The following ADGRG6 variants were observed in gnomAD, a reference collection of about 807,000 sequenced individuals.
The protein encoded by ADGRG6 is adhesion G protein-coupled receptor G6.
A neutral mutation model predicts 142.4 loss-of-function variants in ADGRG6; 84 were observed. The observed-to-expected ratio is 0.59, with a 90% CI of 0.49 to 0.71. The LOEUF (loss-of-function observed/expected upper bound fraction) is 0.71, where lower values mean the gene tolerates loss of function less well. Among genes scored for constraint, ADGRG6 ranks in the 30% least tolerant of loss-of-function variants. The pLI, the probability that ADGRG6 is intolerant of heterozygous loss-of-function variation, is 0.00. For missense variants in ADGRG6, 1,367 were observed against 1,466.6 expected (o/e 0.93, Z 1.11); for synonymous variants, 521 against 520.5 (o/e 1.00, Z -0.01).
At chr6:142,317,795 ATATATTATATATATTTATATATATTAATT>A (rs1778179601) in intron 2 of ADGRG6, among the ~76,000 whole-genome samples, 1 of 89,810 alleles carries the variant, frequency 1.1e-5, no homozygotes, top group Non-Finnish European at 2.0e-5. Context: ...TATATAATAT[ATATATTATATATATTTATATATATTAATT>A]TATATTATAT....
chr6:142,386,974 C>T (rs950857784), intron 6 of ADGRG6, among the ~76,000 whole-genome samples: 1 of 152,160 alleles, frequency 6.6e-6, no homozygotes, highest in African/African-American at 2.4e-5. Flanking sequence ...GGAGAACATG[C>T]AGACCCTACG....
intron 4 of ADGRG6, among the ~76,000 whole-genome samples, chr6:142,372,303 A>G (rs564888983): frequency 1.7e-4 from 26 of 152,358 alleles, no homozygotes; most frequent in African/African-American, 6.3e-4. Flanking sequence ...AGTCACAGAC[A>G]TAACTCTCAA....
chr6:142,318,424 A>G (rs13193719), intron 2 of ADGRG6, among the ~76,000 whole-genome samples: 1 of 120,524 alleles, frequency 8.3e-6, no homozygotes, highest in Non-Finnish European at 1.6e-5. Context: ...TAATATATTT[A>G]TATATTATAT....
chr6:142,324,822 C>T (rs144939436), intron 2 of ADGRG6, among the ~76,000 whole-genome samples: 5 of 152,144 alleles, frequency 3.3e-5, no homozygotes, highest in African/African-American at 1.2e-4. Flanking sequence ...TTAGTGCCTA[C>T]AGGTAGGGAG....
At chr6:142,339,598 C>T (rs1583005202) in intron 2 of ADGRG6, among the ~76,000 whole-genome samples, 2 of 151,588 alleles carry the variant, frequency 1.3e-5, no homozygotes, top group African/African-American at 4.8e-5. Flanking sequence ...AAGCATGATC[C>T]TTTTGTGGTG....
At chr6:142,322,484 G>A (rs1778565745) in intron 2 of ADGRG6, among the ~76,000 whole-genome samples, 1 of 152,078 alleles carries the variant, frequency 6.6e-6, no homozygotes, top group African/African-American at 2.4e-5. Context: ...AGTGTAAGAT[G>A]CCACCTCACC....
chr6:142,443,417 G>A lies in ADGRG6; in HGVS notation c.3655G>A (p.Val1219Ile). The change falls in exon 25 of 25, where the codon GTC (valine) becomes ATC (isoleucine). Residue 1219 changes from valine to isoleucine, a missense_variant. This residue lies in a region of ADGRG6 where 344 missense variants were observed against 348.7 expected (regional missense o/e 0.99). Transcript: ENST00000367609. Reference protein sequence around the residue: ...DQTSIIPVHQVIDKVKGYCNA... With the variant: ...DQTSIIPVHQIIDKVKGYCNA... ...AACATCAATCATCCCTGTCCATCAG[G>A]TCATTGATAAGGTCAAGGGTTATTG... 6.2e-7 allele frequency: 1 copy of A among 1,610,744 alleles called. No homozygotes were observed. Among genetic ancestry groups the A allele is most frequent in the Non-Finnish European group, 8.5e-7 (1 of 1,177,168 alleles).
chr6:142,312,976 A>G (rs975549604), intron 2 of ADGRG6, among the ~76,000 whole-genome samples: 1 of 152,084 alleles, frequency 6.6e-6, no homozygotes, highest in Non-Finnish European at 1.5e-5. Flanking sequence ...TAATCCCAGC[A>G]CTTATATAAG....
At chr6:142,437,571 T>G in intron 23 of ADGRG6, 36 bp downstream of exon 23, 1 of 955,664 alleles carries the variant, frequency 1.0e-6, no homozygotes, top group East Asian at 2.4e-5. Context: ...CATCTACAAG[T>G]AGATGGGAAA....
At chr6:142,426,745 C>T (rs1290038347) in intron 22 of ADGRG6, among the ~76,000 whole-genome samples, 1 of 152,198 alleles carries the variant, frequency 6.6e-6, no homozygotes, top group Non-Finnish European at 1.5e-5. Context: ...TCTGGGCATC[C>T]AAGCATTTCA....
At chr6:142,433,972 C>A (rs1448448603) in intron 22 of ADGRG6, among the ~76,000 whole-genome samples, 1 of 151,966 alleles carries the variant, frequency 6.6e-6, no homozygotes, top group African/African-American at 2.4e-5. Flanking sequence ...TTGCTTGAGC[C>A]CAGGAGTTCA....
intron 22 of ADGRG6, among the ~76,000 whole-genome samples, chr6:142,421,834 C>A (rs1006179684): frequency 3.9e-5 from 6 of 152,260 alleles, no homozygotes; most frequent in African/African-American, 1.4e-4. Flanking sequence ...CATATAAATT[C>A]AGAACAGATT....
intron 2 of ADGRG6, among the ~76,000 whole-genome samples, chr6:142,338,328 G>A (rs1201425718): frequency 6.6e-6 from 1 of 151,834 alleles, no homozygotes. Flanking sequence ...ATCTTTGATA[G>A]TGTATTGAAA....
At chr6:142,407,646 G>A (rs1775875498) in intron 15 of ADGRG6, among the ~76,000 whole-genome samples, 1 of 152,180 alleles carries the variant, frequency 6.6e-6, no homozygotes, top group Admixed American at 6.5e-5. Flanking sequence ...GAAGGTAGAA[G>A]TCCTGGATGG....
intron 3 of ADGRG6, among the ~76,000 whole-genome samples, 186 bp from the exon 4 acceptor site, chr6:142,369,984 T>C (rs1583048072): frequency 3.3e-5 from 5 of 152,148 alleles, no homozygotes; most frequent in Non-Finnish European, 5.9e-5. Context: ...TTTCTTATTA[T>C]TACTGATATC....
At chr6:142,303,196 C>T (rs1300194369) in intron 1 of ADGRG6, among the ~76,000 whole-genome samples, 2 of 152,186 alleles carry the variant, frequency 1.3e-5, no homozygotes, top group Non-Finnish European at 2.9e-5. Flanking sequence ...GACACCGTGA[C>T]AGACATTTTA....
chr6:142,353,897 A>G (rs1780312208), intron 2 of ADGRG6, among the ~76,000 whole-genome samples: 1 of 152,202 alleles, frequency 6.6e-6, no homozygotes, highest in Non-Finnish European at 1.5e-5. Flanking sequence ...TAATTGTTGA[A>G]TAATGTGCTT....
chr6:142,338,297 C>T (rs990754151), intron 2 of ADGRG6, among the ~76,000 whole-genome samples: 3 of 151,122 alleles, frequency 2.0e-5, no homozygotes, highest in Admixed American at 6.6e-5. Flanking sequence ...CATGAGCCAC[C>T]GCGCCCGGCC....
At chr6:142,406,444 G>A (rs966633852) in intron 15 of ADGRG6, among the ~76,000 whole-genome samples, 1 of 152,122 alleles carries the variant, frequency 6.6e-6, no homozygotes, top group Non-Finnish European at 1.5e-5. Context: ...GAGCAGGTTC[G>A]CTGGGCCCTT....
Sources: gnomAD v4.1 joint callset for allele counts (sites outside exome capture counted in the v4.1 genomes callset) on GRCh38, gnomAD v4.1.1 for gene constraint, gnomAD v4.1.1 regional missense constraint, MANE v1.5 for transcripts, NCBI Gene and HGNC (gene_info 2026-07-23, HGNC 2026-07-21) for gene names.